Variants in ADCY7 observed in about 807,000 individuals in gnomAD.
The protein encoded by ADCY7 is adenylate cyclase type 7.
A neutral mutation model predicts 120.6 loss-of-function variants in ADCY7; 72 were observed. The ratio of observed to expected loss-of-function variants is 0.60; its 90% CI spans 0.49 to 0.73. The LOEUF (loss-of-function observed/expected upper bound fraction) is 0.73. Ranked by LOEUF, ADCY7 falls within the 30% of genes least tolerant of loss-of-function variation. The probability of loss-of-function intolerance (pLI) is 0.00; values close to 1 mark genes in which losing one functional copy is unlikely to be tolerated. For missense variants in ADCY7, 1,227 were observed against 1,486.0 expected (o/e 0.83, Z 2.87); for synonymous variants, 661 against 628.0 (o/e 1.05, Z -0.78).
intron 1 of ADCY7, among the ~76,000 whole-genome samples, chr16:50,284,365 G>A (rs957478222): frequency 6.6e-6 from 1 of 152,228 alleles, no homozygotes; most frequent in Non-Finnish European, 1.5e-5. Flanking sequence ...CTTGAGAGGC[G>A]TGTTTACCAG....
chr16:50,248,486 A>G (rs1452832172), intron 1 of ADCY7, among the ~76,000 whole-genome samples: 1 of 152,232 alleles, frequency 6.6e-6, no homozygotes, highest in Non-Finnish European at 1.5e-5. Flanking sequence ...TTTGACGCCA[A>G]ACACTCACAC....
At chr16:50,278,419 G>T (rs185041257) in intron 1 of ADCY7, among the ~76,000 whole-genome samples, 1 of 152,076 alleles carries the variant, frequency 6.6e-6, no homozygotes, top group East Asian at 1.9e-4. Context: ...TTTTCTATTG[G>T]GCTATTGGTC....
intron 1 of ADCY7, among the ~76,000 whole-genome samples, chr16:50,275,789 C>A (rs768957692): frequency 3.3e-5 from 5 of 152,156 alleles, no homozygotes; most frequent in Admixed American, 6.5e-5. Flanking sequence ...GGCCTGGGTT[C>A]GAATCCTAGC....
intron 1 of ADCY7, among the ~76,000 whole-genome samples, chr16:50,268,649 A>C (rs1976115): frequency 0.99 from 150,271 of 152,278 alleles, 74,174 homozygotes; most frequent in East Asian, 1. Flanking sequence ...ATTGCAGAAC[A>C]TCTTTGCCAG....
intron 22 of ADCY7, chr16:50,313,447 G>A (rs1376686170): frequency 1.6e-5 from 3 of 182,498 alleles, no homozygotes; most frequent in Admixed American, 5.6e-5. Flanking sequence ...AAAAAAAAAC[G>A]ACGTGGCCCG....
intron 1 of ADCY7, among the ~76,000 whole-genome samples, chr16:50,270,214 GATA>G (rs1158051998): frequency 5.3e-5 from 8 of 151,284 alleles, no homozygotes; most frequent in African/African-American, 1.5e-4. Context: ...TAGATAGATA[GATA>G]GATAGATAGA....
intron 15 of ADCY7, among the ~76,000 whole-genome samples, chr16:50,307,348 C>T (rs2036137668): frequency 6.6e-6 from 1 of 151,844 alleles, no homozygotes; most frequent in Non-Finnish European, 1.5e-5. Context: ...TGCCACAGGC[C>T]TCCCTACTCC....
intron 1 of ADCY7, among the ~76,000 whole-genome samples, chr16:50,254,769 C>T (rs950011991): frequency 7.9e-5 from 12 of 152,130 alleles, no homozygotes; most frequent in African/African-American, 2.9e-4. Context: ...ACAGGGAACA[C>T]ACCTTTGGTT....
chr16:50,302,290 C>A (rs2035779706), intron 10 of ADCY7, among the ~76,000 whole-genome samples: 1 of 152,242 alleles, frequency 6.6e-6, no homozygotes, highest in East Asian at 1.9e-4. Flanking sequence ...CCGGGGGGCT[C>A]CTCCTCTCCA....
chr16:50,259,616 T>TGTCGCTTACATGAA (rs1001735714), intron 1 of ADCY7, among the ~76,000 whole-genome samples: 3 of 152,156 alleles, frequency 2.0e-5, no homozygotes, highest in African/African-American at 7.2e-5. Context: ...GAGTGGGCTT[T>TGTCGCTTACATGAA]GTCGCTTACA....
chr16:50,281,586 G>C (rs938229912), intron 1 of ADCY7, among the ~76,000 whole-genome samples: 1 of 152,320 alleles, frequency 6.6e-6, no homozygotes, highest in African/African-American at 2.4e-5. Flanking sequence ...GACCAGCTGC[G>C]GGACACACAC....
intron 1 of ADCY7, among the ~76,000 whole-genome samples, chr16:50,260,211 T>C (rs1365039462): frequency 2.0e-5 from 3 of 152,178 alleles, no homozygotes. Flanking sequence ...CTGGCAGAAA[T>C]GTCGTGAGGT....
rs112368100 is a variant in ADCY7, at chr16:50,315,573, ACT to A, written c.*72_*73del. 11,607 of 1,567,836 alleles carry A rather than the reference ACT, an allele frequency of 7.4e-3. 676 individuals carry two copies. In the African/African-American group the frequency reaches 0.13, roughly 18 times the overall value. ...TTCCCTGAAGCAAGCCCAGGAGAAG[ACT>A]CTCCGCCCCACGCCAATCCCAAAGG... On this transcript the variant is annotated 3_prime_UTR_variant, in exon 26 of 26. Transcript: ENST00000673801.
chr16:50,290,407 G>T, intron 2 of ADCY7, 50 bp from the exon 3 acceptor site: 1 of 1,604,382 alleles, frequency 6.2e-7, no homozygotes, highest in Admixed American at 1.7e-5. Context: ...GGAGGAGGTG[G>T]CTCTGCACTG....
At chr16:50,270,523 A>G (rs886808156) in intron 1 of ADCY7, among the ~76,000 whole-genome samples, 2 of 152,176 alleles carry the variant, frequency 1.3e-5, no homozygotes, top group African/African-American at 4.8e-5. Flanking sequence ...AGATTAAATG[A>G]GCTGATGCAC....
At chr16:50,313,117 A>G in intron 22 of ADCY7, 81 bp downstream of exon 22, 1 of 1,563,292 alleles carries the variant, frequency 6.4e-7, no homozygotes, top group South Asian at 1.2e-5. Flanking sequence ...CCATCCTAAA[A>G]CCCAATTTAA....
intron 22 of ADCY7, 129 bp from the exon 23 acceptor site, chr16:50,313,829 C>A: frequency 1.4e-6 from 1 of 702,888 alleles, no homozygotes; most frequent in Non-Finnish European, 2.5e-6. Context: ...GCTGGCAGGG[C>A]AGCCATGAGA....
chr16:50,273,268 A>G (rs2033683074), intron 1 of ADCY7, among the ~76,000 whole-genome samples: 1 of 152,186 alleles, frequency 6.6e-6, no homozygotes. Flanking sequence ...AACATGCCCA[A>G]GGTCACACAG....
intron 1 of ADCY7, among the ~76,000 whole-genome samples, chr16:50,248,341 G>A (rs8043721): frequency 0.053 from 8,072 of 152,274 alleles, 399 homozygotes; most frequent in African/African-American, 0.13. Flanking sequence ...TGTTGCTGAT[G>A]GAGAGGGGCC....
Sources: allele counts gnomAD v4.1 joint callset (sites outside exome capture counted in the v4.1 genomes callset), GRCh38; gene constraint gnomAD v4.1.1; transcripts MANE v1.5; gene names NCBI Gene and HGNC (gene_info 2026-07-23, HGNC 2026-07-21).